The following HSPG2 variants were observed in gnomAD, a reference collection of about 807,000 sequenced individuals.
HSPG2 encodes the protein heparan sulfate proteoglycan 2.
HSPG2 carries 278 observed loss-of-function variants against 526.6 expected under a neutral mutation model. The ratio of observed to expected loss-of-function variants is 0.53; its 90% CI spans 0.48 to 0.58. The LOEUF (loss-of-function observed/expected upper bound fraction) is 0.58, where lower values mean the gene tolerates loss of function less well. HSPG2 is among the 20% of genes least tolerant of loss of function. The probability of loss-of-function intolerance (pLI) is 0.00; values close to 1 mark genes in which losing one functional copy is unlikely to be tolerated. For synonymous variants in HSPG2, 2,465 were observed against 2,555.4 expected, an observed-to-expected ratio of 0.96 and a Z score of 1.07; for missense variants, 5,354 against 6,099.5, an observed-to-expected ratio of 0.88 and a Z score of 4.07.
At chr1:21,884,942 T>G (rs1461475056) in intron 11 of HSPG2, 24 bp from the exon 12 acceptor site, 1 of 1,613,936 alleles carries the variant, frequency 6.2e-7, no homozygotes, top group East Asian at 2.2e-5. Flanking sequence ...AGACAAGTGG[T>G]AGGATCTGGC....
Position 21,824,997 on chromosome 1 carries a change from T to A in HSPG2, c.12590-218A>T, listed in dbSNP as rs1332873569. On this transcript the variant is annotated intron_variant, in intron 91 of 96. Transcript: ENST00000374695. This position sits in a 1 kb window ranked among gnomAD's most constrained non-coding sequence, Gnocchi z 5.9. ...CAATTTCACTCACTTCTCACTGAAA[T>A]TGAGCAGTTCTTTCAATGAGATGTA... 2 of 594,208 alleles carry A rather than the reference T, an allele frequency of 3.4e-6. No individual in the cohort carries two copies. The highest frequency in any genetic ancestry group is 6.1e-6 in the Non-Finnish European group (2 of 328,554). 36.8% of individuals were successfully genotyped at this position (594,208 alleles called of 1,614,324 possible). A position where few individuals can be genotyped will look rare whatever the true frequency, so the allele number is the denominator to read the frequency against.
Position 21,896,387 on chromosome 1 carries a change from G to T in HSPG2, c.64-77C>A. ...CCCACGGTCCTTCCCCTCACTTCCA[G>T]GGGGACCCAGAATCCCACCTTCAGG... is the stretch of plus-strand genomic sequence containing the variant. On this transcript the variant is annotated intron_variant, in intron 1 of 96. Transcript: ENST00000374695. The T allele has an allele frequency of 2.6e-6, 4 of 1,555,522 alleles. No homozygotes were observed. In the South Asian group the frequency reaches 4.4e-5, roughly 17 times the overall value.
At chr1:21,851,961 T>A (rs1478625295) in intron 53 of HSPG2, 35 bp from the exon 54 acceptor site, 3 of 1,605,242 alleles carry the variant, frequency 1.9e-6, no homozygotes, top group Non-Finnish European at 1.7e-6. Context: ...GAGGGGGGCT[T>A]CCCGGAGGCC....
At position 21,839,408 on chromosome 1, in the gene HSPG2, A is replaced by G. The variant is rs2291826; in HGVS notation, c.9852T>C (p.Ala3284=). 0.28 allele frequency: 456,927 copies of G among 1,613,396 alleles called. 68,899 individuals are homozygous for G. Among genetic ancestry groups the G allele is most frequent in the African/African-American group, 0.54 (40,836 of 74,938 alleles). ...GQYICNATSP[A]GHAEATIILH... ...GGATGATGGTGGCCTCAGCGTGCCC[A>G]GCAGGGCTAGTGGCATTGCAGATGT... is the stretch of plus-strand genomic sequence containing the variant. The change falls in exon 73 of 97, where the codon GCT becomes GCC. Residue 3284 remains alanine, a synonymous_variant. Transcript: ENST00000374695. The surrounding 1 kb of genome is among the most constrained non-coding windows in gnomAD (Gnocchi z 4.5).
At chr1:21,871,398 C>A (rs1640641098) in intron 33 of HSPG2, among the ~76,000 whole-genome samples, 1 of 151,704 alleles carries the variant, frequency 6.6e-6, no homozygotes, top group African/African-American at 2.4e-5. Flanking sequence ...ATAGCTGGGA[C>A]TACAGGCATG....
Position 21,872,047 on chromosome 1 carries a change from A to T in HSPG2, c.4221+139T>A, listed in dbSNP as rs1289380877. Reference sequence around the variant, plus strand: ...AGCGGCAGAGCTGGGGTTCAGACCAATGTCTATGGGACTGCAAAAGCCACG... The same window carrying T: ...AGCGGCAGAGCTGGGGTTCAGACCATTGTCTATGGGACTGCAAAAGCCACG... On this transcript the variant is annotated intron_variant, in intron 33 of 96. Transcript: ENST00000374695. This position sits in a 1 kb window ranked among gnomAD's most constrained non-coding sequence, Gnocchi z 5.5. The T allele has an allele frequency of 2.4e-6, 2 of 834,652 alleles. No homozygotes were observed. The highest frequency in any genetic ancestry group is 4.3e-5 in the Admixed American group (2 of 46,602). 51.7% of individuals were successfully genotyped at this position (834,652 alleles called of 1,614,324 possible).
In HSPG2 at chr1:21,859,295, C is replaced by T. The variant is rs773956238; in HGVS notation, c.5293+271G>A. Among the ~76,000 whole-genome samples the T allele has an allele frequency of 1.3e-5, 2 of 152,144 alleles. No individual in the cohort carries two copies. The highest frequency in any genetic ancestry group is 6.5e-5 in the Admixed American group (1 of 15,278). On this transcript the variant is annotated intron_variant, in intron 42 of 96. Transcript: ENST00000374695. This position sits in a 1 kb window ranked among gnomAD's most constrained non-coding sequence, Gnocchi z 5.3. ...AACTCCTGACCTCATGATCTGCCCA[C>T]CTTGGCCTCCCAAAGTGTTGGGATT...
chr1:21,905,749 T>A (rs1243665362), intron 1 of HSPG2, among the ~76,000 whole-genome samples: 1 of 152,014 alleles, frequency 6.6e-6, no homozygotes, highest in Non-Finnish European at 1.5e-5. Context: ...TCTAAAAAAA[T>A]AAATTGTTGA....
In HSPG2 at chr1:21,852,081, C is replaced by A; in HGVS notation, c.6870+7G>T. On this transcript the variant is annotated splice_region_variant and intron_variant, in intron 53 of 96. Coordinates refer to ENST00000374695, the MANE Select transcript of HSPG2 (RefSeq NM_005529.7). ...TGGCCCCGTCCCACATTCTTGGTGC[C>A]CTGTACCTGGTGCCGGGCAGGGAGG... 6.2e-7 allele frequency: 1 copy of A among 1,613,284 alleles called. No homozygotes were observed. Among genetic ancestry groups the A allele is most frequent in the Non-Finnish European group, 8.5e-7 (1 of 1,180,024 alleles).
rs1414020382 is a variant in HSPG2, at chr1:21,855,774, A to AGGAGAG, written c.5701+12_5701+13insCTCTCC. ...GAGTCAGGCCTTGAATGTCATTCCCATCACGGCCTCACCTGTCCACTCGAG... is the reference window on the plus strand; with the variant it reads ...GAGTCAGGCCTTGAATGTCATTCCCAGGAGAGTCACGGCCTCACCTGTCCACTCGAG... On this transcript the variant is annotated intron_variant, in intron 45 of 96. Transcript: ENST00000374695. The AGGAGAG allele has an allele frequency of 6.2e-7, 1 of 1,612,718 alleles. No individual in the cohort carries two copies. The highest frequency in any genetic ancestry group is 1.7e-5 in the Admixed American group (1 of 59,922).
Position 21,887,889 on chromosome 1 carries a change from G to A in HSPG2, c.703+49C>T, listed in dbSNP as rs373327598. The A allele has an allele frequency of 2.5e-6, 4 of 1,612,942 alleles. No homozygotes were observed. Among genetic ancestry groups the A allele is most frequent in the African/African-American group, 2.7e-5 (2 of 74,854 alleles). On this transcript the variant is annotated intron_variant, in intron 7 of 96. Coordinates refer to ENST00000374695, the MANE Select transcript of HSPG2 (RefSeq NM_005529.7). The surrounding 1 kb of genome is among the most constrained non-coding windows in gnomAD (Gnocchi z 5.0). ...CTCCAAGACCCAGGTGTAGGACCCT[G>A]GCCCTCCCCTGGCACCCAAACCACT... is the stretch of plus-strand genomic sequence containing the variant.
chr1:21,900,293 G>A (rs1205737943), intron 1 of HSPG2, among the ~76,000 whole-genome samples: 1 of 152,256 alleles, frequency 6.6e-6, no homozygotes, highest in Non-Finnish European at 1.5e-5. Context: ...GCCCAGGCCA[G>A]AGAATTGTTC....
At chr1:21,931,499 G>C (rs1189867069) in intron 1 of HSPG2, among the ~76,000 whole-genome samples, 1 of 152,180 alleles carries the variant, frequency 6.6e-6, no homozygotes, top group Non-Finnish European at 1.5e-5. Context: ...GTAGGCCCTG[G>C]GACAGGGAGA....
At chr1:21,922,671 A>C (rs913802622) in intron 1 of HSPG2, among the ~76,000 whole-genome samples, 1 of 152,166 alleles carries the variant, frequency 6.6e-6, no homozygotes, top group Non-Finnish European at 1.5e-5. Flanking sequence ...CCTGAAGCCA[A>C]CGTAAGGTGG....
chr1:21,900,728 T>C (rs1026499227), intron 1 of HSPG2, among the ~76,000 whole-genome samples: 1 of 152,058 alleles, frequency 6.6e-6, no homozygotes, highest in Admixed American at 6.5e-5. Flanking sequence ...CTACTAAAAA[T>C]ACAAAAATTA....
intron 33 of HSPG2, among the ~76,000 whole-genome samples, chr1:21,866,706 G>T (rs1378625865): frequency 2.0e-5 from 3 of 152,182 alleles, no homozygotes; most frequent in Admixed American, 2.0e-4. Flanking sequence ...GACAGCTGAG[G>T]CTCCCCAGCT....
chr1:21,891,832 A>C (rs1642385039), intron 3 of HSPG2, among the ~76,000 whole-genome samples: 1 of 152,128 alleles, frequency 6.6e-6, no homozygotes, highest in Non-Finnish European at 1.5e-5. Context: ...GCTGGTCTCA[A>C]ACTCCTGGGC....
chr1:21,852,149 C>A lies in HSPG2; in HGVS notation c.6809G>T (p.Gly2270Val). The change falls in exon 53 of 97, where the codon GGG (glycine) becomes GTG (valine). Residue 2270 changes from glycine to valine, a missense_variant. By Grantham distance (109) the Gly-to-Val change is moderately radical (BLOSUM62 -3). Coordinates refer to ENST00000374695, the MANE Select transcript of HSPG2 (RefSeq NM_005529.7). ...QTLDLSCVVA[G>V]QAHAQVTWYK... ...CCATGTGACCTGGGCGTGGGCCTGC[C>A]CTGCCACCACGCAGCTCAGATCCAG... 1 of 1,613,916 alleles carries A rather than the reference C, an allele frequency of 6.2e-7. No individual in the cohort carries two copies. The highest frequency in any genetic ancestry group is 8.5e-7 in the Non-Finnish European group (1 of 1,180,030).
intron 74 of HSPG2, 66 bp from the exon 75 acceptor site, chr1:21,837,072 G>C: frequency 7.0e-7 from 1 of 1,427,280 alleles, no homozygotes; most frequent in Non-Finnish European, 9.6e-7. Context: ...CCCCTCCAGG[G>C]ACCCAGGAAA....
Sources: gnomAD v4.1 joint callset for allele counts (sites outside exome capture counted in the v4.1 genomes callset) on GRCh38, gnomAD v4.1.1 for gene constraint, Gnocchi (gnomAD v3.1) non-coding constraint, MANE v1.5 for transcripts, NCBI Gene and HGNC (gene_info 2026-07-23, HGNC 2026-07-21) for gene names.